The following MACROD2 variants were observed in gnomAD, a reference collection of about 807,000 sequenced individuals.
MACROD2 encodes ADP-ribose glycohydrolase MACROD2.
Under a neutral mutation model 70.4 loss-of-function variants are expected in MACROD2, and 36 were observed. That is an observed-to-expected ratio of 0.51 (90% CI 0.39 to 0.68). The LOEUF is 0.68. Ranked by LOEUF, MACROD2 falls within the 30% of genes least tolerant of loss-of-function variation. MACROD2 has a pLI of 0.00. For synonymous variants in MACROD2, 172 were observed against 178.8 expected (o/e 0.96, Z 0.30); for missense variants, 496 against 538.4 (o/e 0.92, Z 0.78).
At chr20:15,870,777 T>A (rs1362562077) in intron 9 of MACROD2, among the ~76,000 whole-genome samples, 2 of 152,274 alleles carry the variant, frequency 1.3e-5, no homozygotes, top group East Asian at 3.9e-4. Flanking sequence ...ACAGAGAGAA[T>A]ATTTAACCAA....
chr20:15,646,569 A>G (rs2049546394), intron 8 of MACROD2, among the ~76,000 whole-genome samples: 1 of 152,146 alleles, frequency 6.6e-6, no homozygotes, highest in African/African-American at 2.4e-5. Context: ...CTCCACCCAA[A>G]TCTCATCTTG....
At chr20:14,821,423 A>G (rs1002789035) in intron 5 of MACROD2, among the ~76,000 whole-genome samples, 3 of 152,054 alleles carry the variant, frequency 2.0e-5, no homozygotes, top group Admixed American at 2.0e-4. Flanking sequence ...TTACCAAAAA[A>G]AATCCTTATC....
intron 13 of MACROD2, among the ~76,000 whole-genome samples, chr20:15,985,114 A>G (rs1456816855): frequency 1.3e-5 from 2 of 152,176 alleles, no homozygotes; most frequent in East Asian, 3.9e-4. Flanking sequence ...TCCTGGTGTC[A>G]CAGTAACACC....
chr20:14,051,765 G>T, intron 2 of MACROD2: 1 of 448,344 alleles, frequency 2.2e-6, no homozygotes, highest in Non-Finnish European at 4.5e-6. Flanking sequence ...GAATTGATTA[G>T]TATCAGAATA....
chr20:15,980,147 G>A (rs2066374566), intron 13 of MACROD2, among the ~76,000 whole-genome samples: 2 of 152,220 alleles, frequency 1.3e-5, no homozygotes, highest in Admixed American at 6.5e-5. Context: ...TCTATACAAT[G>A]TCTGGAATCT....
intron 2 of MACROD2, among the ~76,000 whole-genome samples, chr20:14,030,212 A>AT (rs1162221450): frequency 2.0e-5 from 3 of 151,712 alleles, no homozygotes; most frequent in Non-Finnish European, 4.4e-5. Flanking sequence ...CTATTTTTTT[A>AT]TTTTTTGTAG....
chr20:14,344,599 A>G (rs1473867874), intron 3 of MACROD2, among the ~76,000 whole-genome samples: 1 of 152,208 alleles, frequency 6.6e-6, no homozygotes, highest in Non-Finnish European at 1.5e-5. Context: ...AAATTCACAA[A>G]TACTTTGCTA....
At chr20:14,532,416 G>A (rs1208167119) in intron 4 of MACROD2, among the ~76,000 whole-genome samples, 3 of 151,180 alleles carry the variant, frequency 2.0e-5, no homozygotes, top group Non-Finnish European at 4.4e-5. Flanking sequence ...GTAGAGACGG[G>A]GTTTCACCGT....
At chr20:15,289,207 C>A (rs1447675035) in intron 6 of MACROD2, among the ~76,000 whole-genome samples, 2 of 152,132 alleles carry the variant, frequency 1.3e-5, no homozygotes, top group Non-Finnish European at 2.9e-5. Flanking sequence ...AGCATGGATC[C>A]ACTGCTTGGC....
chr20:14,543,900 A>G (rs554667214), intron 4 of MACROD2, among the ~76,000 whole-genome samples: 1 of 152,296 alleles, frequency 6.6e-6, no homozygotes, highest in Admixed American at 6.5e-5. Context: ...AGTCTTATCA[A>G]AAAGAATTTC....
At chr20:15,619,541 G>A (rs546046551) in intron 8 of MACROD2, 59 of 413,198 alleles carry the variant, frequency 1.4e-4, no homozygotes, top group Non-Finnish European at 2.1e-4. Context: ...GGCAGATCCT[G>A]TGTGGTGGGG....
At chr20:15,284,087 T>G (rs902464432) in intron 6 of MACROD2, among the ~76,000 whole-genome samples, 9 of 152,212 alleles carry the variant, frequency 5.9e-5, no homozygotes, top group Non-Finnish European at 8.8e-5. Flanking sequence ...TTTCTTTTCC[T>G]TGATATAATA....
chr20:15,882,488 G>A (rs1041742744), intron 9 of MACROD2, among the ~76,000 whole-genome samples: 8 of 152,176 alleles, frequency 5.3e-5, no homozygotes, highest in Middle Eastern at 3.4e-3. Context: ...TAGATAATGA[G>A]ATTTCAGGCA....
intron 4 of MACROD2, chr20:14,622,765 A>G (rs1365604909): frequency 6.6e-6 from 1 of 152,220 alleles, no homozygotes; most frequent in Non-Finnish European, 1.5e-5. Context: ...AATGACAATC[A>G]GTATACCACA....
intron 15 of MACROD2, among the ~76,000 whole-genome samples, chr20:16,002,630 T>G (rs538458549): frequency 9.4e-4 from 143 of 152,254 alleles, no homozygotes; most frequent in African/African-American, 3.3e-3. Context: ...CTAGAAACCG[T>G]AGTAGGTAAT....
At chr20:14,361,073 T>A (rs1217262105) in intron 3 of MACROD2, among the ~76,000 whole-genome samples, 1 of 152,194 alleles carries the variant, frequency 6.6e-6, no homozygotes, top group Non-Finnish European at 1.5e-5. Context: ...ATTTTAGTTT[T>A]CGGTGATAAT....
chr20:15,571,038 G>A (rs961402185), intron 8 of MACROD2, among the ~76,000 whole-genome samples: 2 of 151,930 alleles, frequency 1.3e-5, no homozygotes, highest in East Asian at 3.9e-4. Context: ...TCTTGTACCC[G>A]CTGGCTTGGG....
At chr20:15,365,680 A>G (rs1051482303) in intron 6 of MACROD2, among the ~76,000 whole-genome samples, 2 of 152,066 alleles carry the variant, frequency 1.3e-5, no homozygotes, top group African/African-American at 4.8e-5. Context: ...AAAAATTGGA[A>G]GAAAAATATT....
chr20:14,263,264 T>C (rs1241537780), intron 3 of MACROD2, among the ~76,000 whole-genome samples: 1 of 152,232 alleles, frequency 6.6e-6, no homozygotes, highest in East Asian at 1.9e-4. Context: ...AATTTGTTAA[T>C]AGGTCATGGA....
Sources: allele counts gnomAD v4.1 joint callset (sites outside exome capture counted in the v4.1 genomes callset), GRCh38; gene constraint gnomAD v4.1.1; transcripts MANE v1.5; gene names NCBI Gene and HGNC (gene_info 2026-07-23, HGNC 2026-07-21).